TMEM178B: variants seen among roughly 807,000 people sequenced by gnomAD.
TMEM178B encodes transmembrane protein 178B.
A neutral mutation model predicts 31.0 loss-of-function variants in TMEM178B; 5 were observed. The ratio of observed to expected loss-of-function variants is 0.16; its 90% confidence interval spans 0.08 to 0.34. The LOEUF (loss-of-function observed/expected upper bound fraction) is 0.34. Ranked by LOEUF, TMEM178B falls within the 10% of genes least tolerant of loss-of-function variation. The probability of loss-of-function intolerance (pLI) is 1.00; values close to 1 mark genes in which losing one functional copy is unlikely to be tolerated. For missense variants in TMEM178B, 275 were observed against 400.3 expected (o/e 0.69, Z 2.67); for synonymous variants, 164 against 164.0 (o/e 1.00, Z 0.00).
intron 1 of TMEM178B, among the ~76,000 whole-genome samples, chr7:141,095,996 T>C (rs1350514342): frequency 6.6e-6 from 1 of 152,162 alleles, no homozygotes; most frequent in Non-Finnish European, 1.5e-5. Flanking sequence ...GATGGTAACG[T>C]AGGCAACCAA....
chr7:141,161,014 T>C (rs925229571), intron 1 of TMEM178B, among the ~76,000 whole-genome samples: 1 of 152,014 alleles, frequency 6.6e-6, no homozygotes, highest in African/African-American at 2.4e-5. Context: ...TGCACCACCA[T>C]GCCTGGCTAA....
At chr7:141,209,854 G>C (rs1391918696) in intron 1 of TMEM178B, among the ~76,000 whole-genome samples, 1 of 152,176 alleles carries the variant, frequency 6.6e-6, no homozygotes, top group Non-Finnish European at 1.5e-5. Context: ...TAAGTCAGGA[G>C]TGAATATGGC....
intron 2 of TMEM178B, among the ~76,000 whole-genome samples, chr7:141,325,817 C>T (rs991376217): frequency 1.1e-4 from 13 of 118,002 alleles, no homozygotes; most frequent in Non-Finnish European, 2.3e-4. Context: ...TGGAAGACAG[C>T]CCTGGGAAAA....
At chr7:141,431,884 A>G (rs954692026) in intron 2 of TMEM178B, among the ~76,000 whole-genome samples, 4 of 152,254 alleles carry the variant, frequency 2.6e-5, no homozygotes, top group Admixed American at 6.5e-5. Context: ...CTCTAAAGAC[A>G]GGAGATTGAC....
intron 2 of TMEM178B, among the ~76,000 whole-genome samples, chr7:141,219,373 A>C (rs2017515): frequency 0.73 from 111,773 of 152,134 alleles, 42,239 homozygotes; most frequent in Middle Eastern, 0.85. Flanking sequence ...CTGCAGCATC[A>C]GCCATTTTCC....
At chr7:141,464,044 G>C (rs533821614) in intron 3 of TMEM178B, among the ~76,000 whole-genome samples, 15 of 152,198 alleles carry the variant, frequency 9.9e-5, no homozygotes, top group Non-Finnish European at 1.5e-5. Context: ...GTCTGTGTGA[G>C]AAATGATGGA....
At chr7:141,239,739 C>G (rs1472371533) in intron 2 of TMEM178B, among the ~76,000 whole-genome samples, 1 of 152,204 alleles carries the variant, frequency 6.6e-6, no homozygotes, top group Non-Finnish European at 1.5e-5. Context: ...GGACAGCCTT[C>G]CTGATGGTCC....
At chr7:141,157,416 C>G (rs1230983376) in intron 1 of TMEM178B, among the ~76,000 whole-genome samples, 1 of 150,758 alleles carries the variant, frequency 6.6e-6, no homozygotes, top group Non-Finnish European at 1.5e-5. Flanking sequence ...CTTTCCTACT[C>G]CTGCGCGCGT....
chr7:141,402,450 T>C (rs1020212867), intron 2 of TMEM178B, among the ~76,000 whole-genome samples: 1 of 152,162 alleles, frequency 6.6e-6, no homozygotes, highest in African/African-American at 2.4e-5. Flanking sequence ...TCACCTGCCA[T>C]GTGGGAGCTG....
chr7:141,284,267 AT>A (rs540515328), intron 2 of TMEM178B, among the ~76,000 whole-genome samples: 114 of 152,112 alleles, frequency 7.5e-4, no homozygotes, highest in African/African-American at 2.7e-3. Flanking sequence ...TCTTACGTAG[AT>A]TTTTTTCATG....
chr7:141,204,992 T>C (rs1439855796), intron 1 of TMEM178B, among the ~76,000 whole-genome samples: 1 of 152,026 alleles, frequency 6.6e-6, no homozygotes, highest in Non-Finnish European at 1.5e-5. Context: ...GGCTAATTTT[T>C]AAAAGTTTTT....
At chr7:141,428,486 C>T (rs540861427) in intron 2 of TMEM178B, among the ~76,000 whole-genome samples, 15 of 151,640 alleles carry the variant, frequency 9.9e-5, no homozygotes, top group Non-Finnish European at 1.9e-4. Context: ...AGCATTCATA[C>T]TAAGAGGCAA....
intron 2 of TMEM178B, among the ~76,000 whole-genome samples, chr7:141,215,337 A>ATTATTATTTTTTTTTTTTTT (rs55726735): frequency 7.1e-6 from 1 of 141,488 alleles, no homozygotes; most frequent in Non-Finnish European, 1.5e-5. Flanking sequence ...TATTATTATT[A>ATTATTATTTTTTTTTTTTTT]TTTTTTGAGA....
chr7:141,356,838 A>G (rs1799828220), intron 2 of TMEM178B, among the ~76,000 whole-genome samples: 1 of 151,998 alleles, frequency 6.6e-6, no homozygotes, highest in Non-Finnish European at 1.5e-5. Flanking sequence ...TCCTTCCAAC[A>G]TATTCTCTGG....
At chr7:141,399,697 T>C (rs1340952103) in intron 2 of TMEM178B, among the ~76,000 whole-genome samples, 1 of 152,222 alleles carries the variant, frequency 6.6e-6, no homozygotes, top group African/African-American at 2.4e-5. Context: ...ATCATTTTGT[T>C]CGCCTTCGTT....
intron 1 of TMEM178B, among the ~76,000 whole-genome samples, chr7:141,077,967 A>AT (rs1168307181): frequency 6.6e-6 from 1 of 152,184 alleles, no homozygotes; most frequent in Admixed American, 6.5e-5. Context: ...TGTGGACATT[A>AT]TTTTTTATGA....
At chr7:141,196,175 T>C (rs1586820239) in intron 1 of TMEM178B, among the ~76,000 whole-genome samples, 1 of 152,192 alleles carries the variant, frequency 6.6e-6, no homozygotes, top group Admixed American at 6.5e-5. Context: ...TTCTATTTCA[T>C]TTATTTTAAT....
intron 2 of TMEM178B, among the ~76,000 whole-genome samples, chr7:141,417,667 G>A (rs2116646448): frequency 6.6e-6 from 1 of 152,278 alleles, no homozygotes; most frequent in East Asian, 1.9e-4. Context: ...CCCCCACCTA[G>A]CAAGCTGTGT....
intron 3 of TMEM178B, among the ~76,000 whole-genome samples, chr7:141,454,546 T>TTCTCTCC (rs1801926361): frequency 9.0e-6 from 1 of 111,532 alleles, no homozygotes; most frequent in Non-Finnish European, 2.2e-5. Context: ...TCCTCTCCTC[T>TTCTCTCC]TCTCTCCTCT....
Sources: allele counts gnomAD v4.1 joint callset (sites outside exome capture counted in the v4.1 genomes callset), GRCh38; gene constraint gnomAD v4.1.1; transcripts MANE v1.5; gene names NCBI Gene and HGNC (gene_info 2026-07-23, HGNC 2026-07-21).